SRGAP2: variants seen among roughly 807,000 people sequenced by gnomAD.
SRGAP2 encodes SLIT-ROBO Rho GTPase activating protein 2.
A neutral mutation model predicts 57.2 loss-of-function variants in SRGAP2; 15 were observed. The observed-to-expected ratio is 0.26, with a 90% CI of 0.18 to 0.40. The LOEUF is 0.40. Among genes scored for constraint, SRGAP2 ranks in the 10% least tolerant of loss-of-function variants. SRGAP2 has a pLI of 1.00. For synonymous variants in SRGAP2, 249 were observed against 248.0 expected, an observed-to-expected ratio of 1.00 and a Z score of -0.04; for missense variants, 520 against 669.6, an observed-to-expected ratio of 0.78 and a Z score of 2.47.
At chr1:206,455,255 G>C (rs922584528) in intron 21 of SRGAP2, 1 of 572,496 alleles carries the variant, frequency 1.7e-6, no homozygotes, top group South Asian at 2.0e-5. Flanking sequence ...GCTGTGGAAG[G>C]GTGCTTTACT....
At chr1:206,309,464 C>CAA (rs199561904) in intron 3 of SRGAP2, among the ~76,000 whole-genome samples, 2,068 of 73,876 alleles carry the variant, frequency 0.028, 8 homozygotes, top group Middle Eastern at 0.043. Context: ...AAAGTAAGAG[C>CAA]AAAAAAAAAA....
At position 206,402,348 on chromosome 1, in the gene SRGAP2, A is replaced by G. The variant is rs1658271420; in HGVS notation, c.1056+703A>G. Among the ~76,000 whole-genome samples the G allele has an allele frequency of 3.9e-5, 6 of 152,080 alleles. No individual in the cohort carries two copies. The South Asian group carries it at 1.2e-3, about 32-fold the overall frequency. ...GGACTCTTAGCCTCCAGTGACTAGA[A>G]TAAAAAGGGCCTAAAAAAGCTAAAG... On this transcript the variant is annotated intron_variant, in intron 8 of 22. Transcript: ENST00000573034.
At chr1:206,426,037 A>G (rs1553366214) in intron 13 of SRGAP2, among the ~76,000 whole-genome samples, 6 of 148,932 alleles carry the variant, frequency 4.0e-5, no homozygotes, top group African/African-American at 5.0e-5. Context: ...AGTAGAGACA[A>G]AGTTTTACCA....
At chr1:206,364,046 GT>G (rs1677100490) in intron 4 of SRGAP2, among the ~76,000 whole-genome samples, 2 of 147,640 alleles carry the variant, frequency 1.4e-5, no homozygotes, top group Admixed American at 1.4e-4. Flanking sequence ...ACTCTGAAAT[GT>G]TTGGATGTGA....
intron 2 of SRGAP2, among the ~76,000 whole-genome samples, chr1:206,238,886 G>A (rs1382601650): frequency 2.7e-5 from 4 of 145,840 alleles, no homozygotes; most frequent in Non-Finnish European, 4.5e-5. Flanking sequence ...TTGCTCTGTA[G>A]TCTGGATGCT....
At chr1:206,460,812 A>G (rs1553380197) in intron 22 of SRGAP2, among the ~76,000 whole-genome samples, 1 of 71,198 alleles carries the variant, frequency 1.4e-5, no homozygotes, top group African/African-American at 5.5e-5. Context: ...AAAAATATCA[A>G]TTACTTTTTC....
At chr1:206,325,468 C>T (rs552152067) in intron 3 of SRGAP2, among the ~76,000 whole-genome samples, 8 of 151,318 alleles carry the variant, frequency 5.3e-5, no homozygotes, top group African/African-American at 9.8e-5. Context: ...CTCAGCCTCC[C>T]GAGTAGCTAG....
chr1:206,445,253 T>C (rs1662655670), intron 17 of SRGAP2, among the ~76,000 whole-genome samples: 1 of 152,172 alleles, frequency 6.6e-6, no homozygotes, highest in Admixed American at 6.5e-5. Flanking sequence ...ATGGGACTCA[T>C]CAGGTGCAGT....
At chr1:206,354,562 A>G (rs1676287982) in intron 4 of SRGAP2, among the ~76,000 whole-genome samples, 1 of 152,136 alleles carries the variant, frequency 6.6e-6, no homozygotes, top group Admixed American at 6.5e-5. Flanking sequence ...TGAGACTTTT[A>G]GTTTATCTGT....
intron 3 of SRGAP2, among the ~76,000 whole-genome samples, chr1:206,306,348 G>A (rs1246377169): frequency 5.3e-5 from 8 of 152,140 alleles, no homozygotes; most frequent in Non-Finnish European, 1.2e-4. Context: ...TTCACGGTGA[G>A]TGTTACAGCT....
At chr1:206,253,577 T>C (rs868968373) in intron 2 of SRGAP2, among the ~76,000 whole-genome samples, 2,130 of 129,232 alleles carry the variant, frequency 0.016, 29 homozygotes, top group African/African-American at 0.066. Flanking sequence ...TTCTTTCTTT[T>C]TTTTTTTTTT....
At chr1:206,207,719 G>A (rs1241619076) in intron 2 of SRGAP2, 6 of 129,842 alleles carry the variant, frequency 4.6e-5, no homozygotes, top group Admixed American at 3.1e-4. Context: ...CCAGAAGCAC[G>A]CCATTTGACT....
intron 2 of SRGAP2, among the ~76,000 whole-genome samples, chr1:206,225,938 A>G (rs1667250469): frequency 1.3e-5 from 2 of 151,940 alleles, no homozygotes; most frequent in South Asian, 4.2e-4. Flanking sequence ...ACCCTCCACC[A>G]CCTGACCTCC....
intron 3 of SRGAP2, among the ~76,000 whole-genome samples, chr1:206,332,750 T>C (rs1674458138): frequency 1.3e-5 from 2 of 151,982 alleles, no homozygotes; most frequent in South Asian, 4.1e-4. Flanking sequence ...TGCCTTTGGT[T>C]TGAATGTGCT....
At chr1:206,306,967 T>C (rs1186687989) in intron 3 of SRGAP2, among the ~76,000 whole-genome samples, 752 of 102,632 alleles carry the variant, frequency 7.3e-3, no homozygotes, top group Middle Eastern at 0.042. Flanking sequence ...CACTCACAAA[T>C]CTTGAGCTAA....
chr1:206,229,564 C>G (rs1316701840), intron 2 of SRGAP2, among the ~76,000 whole-genome samples: 2 of 152,066 alleles, frequency 1.3e-5, no homozygotes, highest in African/African-American at 4.8e-5. Context: ...GACATAATCT[C>G]TGCAGTTCCT....
rs572412242 is a variant in SRGAP2, at chr1:206,260,230, T to A, written c.68-43051T>A. 3.3e-5 allele frequency among the ~76,000 whole-genome samples: 4 copies of A among 120,858 alleles called. No homozygotes were observed. In the South Asian group the frequency reaches 1.2e-3, roughly 37 times the overall value. 79.3% of individuals were successfully genotyped at this position (120,858 alleles called of 152,430 possible). A position where few individuals can be genotyped will look rare whatever the true frequency, so the allele number is the denominator to read the frequency against. On this transcript the variant is annotated intron_variant, in intron 2 of 22. Transcript: ENST00000573034. ...AACAGTTGAGTAATAGTTTTGCTACTCCTCTAACCTAAATTATTCCTGTCA... is the reference window on the plus strand; with the variant it reads ...AACAGTTGAGTAATAGTTTTGCTACACCTCTAACCTAAATTATTCCTGTCA...
At chr1:206,446,040 G>A in intron 17 of SRGAP2, 35 bp from the exon 18 acceptor site, 3 of 776,984 alleles carry the variant, frequency 3.9e-6, no homozygotes, top group Non-Finnish European at 4.8e-6. Context: ...TCATGCGAGA[G>A]CTTTCCAGCT....
At chr1:206,355,834 G>A (rs1676389241) in intron 4 of SRGAP2, among the ~76,000 whole-genome samples, 1 of 152,118 alleles carries the variant, frequency 6.6e-6, no homozygotes, top group South Asian at 2.1e-4. Context: ...AGGCATCGTG[G>A]TGTATTCCTG....
Sources: allele counts gnomAD v4.1 joint callset (sites outside exome capture counted in the v4.1 genomes callset), GRCh38; gene constraint gnomAD v4.1.1; transcripts MANE v1.5; gene names NCBI Gene and HGNC (gene_info 2026-07-23, HGNC 2026-07-21).